GAD2: variants seen among roughly 807,000 people sequenced by gnomAD.
GAD2 encodes the protein 65 kDa glutamic acid decarboxylase.
Under a neutral mutation model 80.1 loss-of-function variants are expected in GAD2, and 22 were observed. That is an observed-to-expected ratio of 0.27 (90% CI 0.20 to 0.39). GAD2 has a LOEUF of 0.39. Ranked by LOEUF, GAD2 falls within the 10% of genes least tolerant of loss-of-function variation. The pLI is 1.00. For missense variants in GAD2, 624 were observed against 738.4 expected (o/e 0.85, Z 1.80); for synonymous variants, 274 against 256.9 (o/e 1.07, Z -0.64).
intron 6 of GAD2, among the ~76,000 whole-genome samples, chr10:26,228,688 T>A (rs1844560035): frequency 6.6e-6 from 1 of 152,198 alleles, no homozygotes. Flanking sequence ...GCGTGAACCC[T>A]ATTGTGAACT....
chr10:26,265,793 C>T lies in GAD2; in HGVS notation c.921-3326C>T, dbSNP rs377630437. Among the ~76,000 whole-genome samples the T allele has an allele frequency of 9.2e-5, 14 of 152,316 alleles. No homozygotes were observed. In the East Asian group the frequency reaches 2.5e-3, roughly 27 times the overall value. On this transcript the variant is annotated intron_variant, in intron 8 of 15. Transcript: ENST00000376261. ...AAAGCCTCCCAGGCACCAGGCGATG[C>T]TTGTGCAGAAAGGCCAGGACTGATC...
rs143419373 is a variant in GAD2, at chr10:26,229,939, T to A, written c.840+162T>A. Among the ~76,000 whole-genome samples, 16 of 152,230 alleles carry A rather than the reference T, an allele frequency of 1.1e-4. No homozygotes were observed. In the East Asian group the frequency reaches 3.1e-3, roughly 29 times the overall value. On this transcript the variant is annotated intron_variant, in intron 7 of 15. Coordinates refer to ENST00000376261, the MANE Select transcript of GAD2 (RefSeq NM_001134366.2). ...GAGTGGTACTATGGGGTGTCCTCCT[T>A]GACTCTTTGAAATTCAGGAAAACCC...
At chr10:26,294,756 G>A (rs1834254854) in intron 15 of GAD2, among the ~76,000 whole-genome samples, 1 of 152,208 alleles carries the variant, frequency 6.6e-6, no homozygotes, top group East Asian at 1.9e-4. Context: ...GGGAGGGAAT[G>A]AGTAGAGGTC....
Position 26,302,851 on chromosome 10 carries a change from A to G in GAD2, c.*1890A>G, listed in dbSNP as rs1834342275. On this transcript the variant is annotated 3_prime_UTR_variant, in exon 16 of 16. Coordinates refer to ENST00000376261, the MANE Select transcript of GAD2 (RefSeq NM_001134366.2). ...ATGACAATCAGAAATAAACTCTTTC[A>G]TCTGTCCCGCAGAATTTCATGAAGG... The G allele has an allele frequency of 6.6e-6, 1 of 152,196 alleles. No individual in the cohort carries two copies. The highest frequency in any genetic ancestry group is 1.5e-5 in the Non-Finnish European group (1 of 68,034). The allele number at this position is 152,196 out of a possible 1,614,324, so 9.4% of individuals were successfully genotyped here.
At chr10:26,284,174 G>C (rs1206452155) in intron 12 of GAD2, among the ~76,000 whole-genome samples, 2 of 152,228 alleles carry the variant, frequency 1.3e-5, no homozygotes, top group African/African-American at 4.8e-5. Context: ...GGCATCCAAG[G>C]AATAATGCTG....
chr10:26,246,731 C>T (rs1024879929), intron 8 of GAD2, among the ~76,000 whole-genome samples: 2 of 152,198 alleles, frequency 1.3e-5, no homozygotes, highest in Non-Finnish European at 2.9e-5. Flanking sequence ...AAGCACCATA[C>T]GTTGATCCCG....
At chr10:26,240,153 C>G (rs143816076) in intron 7 of GAD2, among the ~76,000 whole-genome samples, 51 of 152,294 alleles carry the variant, frequency 3.3e-4, no homozygotes, top group African/African-American at 1.1e-3. Context: ...TGTCTCAGAG[C>G]TTTCTACCAC....
intron 6 of GAD2, chr10:26,224,908 G>C (rs1017208033): frequency 2.3e-6 from 1 of 431,702 alleles, no homozygotes; most frequent in Non-Finnish European, 4.1e-6. Flanking sequence ...TGCTTCTACT[G>C]TGACCCTACA....
intron 7 of GAD2, among the ~76,000 whole-genome samples, chr10:26,242,419 C>T (rs946837585): frequency 1.3e-5 from 2 of 152,046 alleles, no homozygotes; most frequent in Non-Finnish European, 2.9e-5. Context: ...CAAGTACTTC[C>T]ATTCAAAGTG....
intron 8 of GAD2, among the ~76,000 whole-genome samples, chr10:26,252,384 C>T (rs1844890148): frequency 6.6e-6 from 1 of 151,954 alleles, no homozygotes; most frequent in African/African-American, 2.4e-5. Context: ...ACTCTGTCAC[C>T]CAGGCTGGAA....
At chr10:26,250,145 A>G (rs1844861059) in intron 8 of GAD2, among the ~76,000 whole-genome samples, 1 of 151,658 alleles carries the variant, frequency 6.6e-6, no homozygotes. Context: ...TCCTTAGTAG[A>G]TGGGACTACA....
At chr10:26,278,302 G>A (rs1215028289) in intron 11 of GAD2, among the ~76,000 whole-genome samples, 1 of 152,276 alleles carries the variant, frequency 6.6e-6, no homozygotes. Context: ...GAATGGCCAT[G>A]TGTACGTGCA....
intron 8 of GAD2, among the ~76,000 whole-genome samples, chr10:26,256,188 A>G (rs1057423707): frequency 9.2e-5 from 14 of 152,196 alleles, no homozygotes; most frequent in African/African-American, 2.4e-4. Context: ...ATAAAATCCA[A>G]TATTACATAT....
chr10:26,234,689 A>G (rs1844648611), intron 7 of GAD2, among the ~76,000 whole-genome samples: 1 of 152,118 alleles, frequency 6.6e-6, no homozygotes, highest in South Asian at 2.1e-4. Context: ...AAGTCATATT[A>G]ATGCTCCTCT....
At chr10:26,250,000 G>A (rs747773901) in intron 8 of GAD2, among the ~76,000 whole-genome samples, 1 of 152,074 alleles carries the variant, frequency 6.6e-6, no homozygotes, top group African/African-American at 2.4e-5. Flanking sequence ...GGCCTCAAAT[G>A]TGAAAGTCAA....
intron 12 of GAD2, among the ~76,000 whole-genome samples, chr10:26,284,849 A>G (rs901212460): frequency 1.3e-5 from 2 of 152,108 alleles, no homozygotes; most frequent in Non-Finnish European, 2.9e-5. Context: ...GATTACAGGC[A>G]TGAGCCACCG....
intron 11 of GAD2, among the ~76,000 whole-genome samples, chr10:26,277,798 A>G (rs1014238890): frequency 6.6e-6 from 1 of 152,186 alleles, no homozygotes; most frequent in Non-Finnish European, 1.5e-5. Flanking sequence ...AACACAGAAT[A>G]TAGAGGAGAA....
intron 8 of GAD2, among the ~76,000 whole-genome samples, chr10:26,252,589 G>C (rs938626112): frequency 6.6e-6 from 1 of 152,110 alleles, no homozygotes. Flanking sequence ...GACCTCAGGT[G>C]ATCCACCCGC....
chr10:26,302,892 T>C lies in GAD2; in HGVS notation c.*1931T>C, dbSNP rs760224694. On this transcript the variant is annotated 3_prime_UTR_variant, in exon 16 of 16. Transcript: ENST00000376261. ...TTCATGAAGGAGTAACCTTCCATTC[T>C]AGGCTTTGTCTAATGGCCAAGCATT... 3 of 152,220 alleles carry C rather than the reference T, an allele frequency of 2.0e-5. No homozygotes were observed. The highest frequency in any genetic ancestry group is 4.4e-5 in the Non-Finnish European group (3 of 68,050). The allele number at this position is 152,220 out of a possible 1,614,324, so 9.4% of individuals were successfully genotyped here. A position where few individuals can be genotyped will look rare whatever the true frequency, so the allele number is the denominator to read the frequency against.
Sources: gnomAD v4.1 joint callset for allele counts (sites outside exome capture counted in the v4.1 genomes callset) on GRCh38, gnomAD v4.1.1 for gene constraint, MANE v1.5 for transcripts, NCBI Gene and HGNC (gene_info 2026-07-23, HGNC 2026-07-21) for gene names.